CDC42SE2: variants seen among roughly 807,000 people sequenced by gnomAD.
CDC42SE2 encodes CDC42 small effector 2.
Under a neutral mutation model 11.5 loss-of-function variants are expected in CDC42SE2, and 3 were observed. That is an observed-to-expected ratio of 0.26 (90% CI 0.12 to 0.67). The LOEUF (loss-of-function observed/expected upper bound fraction) is 0.67, where lower values mean the gene tolerates loss of function less well. Ranked by LOEUF, CDC42SE2 falls within the 30% of genes least tolerant of loss-of-function variation. The pLI is 0.80. For synonymous variants in CDC42SE2, 33 were observed against 34.8 expected, an observed-to-expected ratio of 0.95 and a Z score of 0.18; for missense variants, 82 against 106.8, an observed-to-expected ratio of 0.77 and a Z score of 1.02.
In CDC42SE2 at chr5:131,333,093, G is replaced by T. The variant is rs1466178480; in HGVS notation, c.-286+16949G>T. The stretch of plus-strand genomic sequence containing the variant: ...CTAGGTTTTCTTCTAGGGTTTTTAT[G>T]GTTTTAGGTCTAACCTGTAAGTCTT... On this transcript the variant is annotated intron_variant, in intron 2 of 4. Transcript: ENST00000505065. Among the ~76,000 whole-genome samples, 4 of 152,088 alleles carry T rather than the reference G, an allele frequency of 2.6e-5. No homozygotes were observed. In the East Asian group the frequency reaches 7.7e-4, roughly 29 times the overall value.
chr5:131,293,843 G>T (rs545539134), intron 1 of CDC42SE2, among the ~76,000 whole-genome samples: 1 of 152,182 alleles, frequency 6.6e-6, no homozygotes, highest in Non-Finnish European at 1.5e-5. Flanking sequence ...GCCCTGGTGT[G>T]CCAGGTCCTG....
chr5:131,377,267 C>T (rs1241283509), intron 3 of CDC42SE2, among the ~76,000 whole-genome samples: 1 of 151,326 alleles, frequency 6.6e-6, no homozygotes, highest in African/African-American at 2.4e-5. Context: ...CTCCCGGGTT[C>T]AAACGATTAT....
At chr5:131,260,611 C>T (rs1425451929), upstream of CDC42SE2, among the ~76,000 whole-genome samples, 55 of 127,320 alleles carry the variant, frequency 4.3e-4, no homozygotes, top group African/African-American at 1.1e-3. Flanking sequence ...TGTGACAGAG[C>T]GAGACGCTCT....
intron 2 of CDC42SE2, among the ~76,000 whole-genome samples, chr5:131,322,054 G>A (rs1327228647): frequency 6.6e-6 from 1 of 152,030 alleles, no homozygotes; most frequent in African/African-American, 2.4e-5. Flanking sequence ...GTTTCACCGT[G>A]TTAGCCAGGA....
chr5:131,332,245 G>T (rs1378539946), intron 2 of CDC42SE2, among the ~76,000 whole-genome samples: 1 of 152,110 alleles, frequency 6.6e-6, no homozygotes, highest in Non-Finnish European at 1.5e-5. Flanking sequence ...GCGATAGTTT[G>T]CTGAGAATGA....
intron 1 of CDC42SE2, among the ~76,000 whole-genome samples, chr5:131,252,414 G>A (rs1023107231): frequency 7.2e-5 from 11 of 152,220 alleles, no homozygotes; most frequent in African/African-American, 2.7e-4. Flanking sequence ...AGCACTTTGG[G>A]AGGCCGAGGC....
At chr5:131,315,112 TGAC>T (rs1758014088) in intron 1 of CDC42SE2, among the ~76,000 whole-genome samples, 2 of 152,024 alleles carry the variant, frequency 1.3e-5, no homozygotes, top group African/African-American at 4.8e-5. Context: ...TTTGTTGAGA[TGAC>T]GAAGACTGAG....
intron 1 of CDC42SE2, among the ~76,000 whole-genome samples, chr5:131,282,516 T>A (rs1757256611): frequency 6.6e-6 from 1 of 152,208 alleles, no homozygotes; most frequent in Non-Finnish European, 1.5e-5. Context: ...TTTCCACTTC[T>A]GAGAGATTAT....
chr5:131,361,855 T>C (rs1749718809), intron 3 of CDC42SE2, among the ~76,000 whole-genome samples: 1 of 152,078 alleles, frequency 6.6e-6, no homozygotes, highest in African/African-American at 2.4e-5. Flanking sequence ...GGCATGCTGG[T>C]GTCTGTTGGT....
intron 1 of CDC42SE2, among the ~76,000 whole-genome samples, chr5:131,311,168 T>C (rs1458433796): frequency 6.6e-6 from 1 of 152,088 alleles, no homozygotes; most frequent in Non-Finnish European, 1.5e-5. Flanking sequence ...CATTTGCTTG[T>C]CTGTAAAGGA....
intron 2 of CDC42SE2, among the ~76,000 whole-genome samples, chr5:131,318,601 A>G (rs1241052021): frequency 2.0e-5 from 3 of 152,216 alleles, no homozygotes; most frequent in African/African-American, 7.2e-5. Flanking sequence ...ACACTGAGTG[A>G]GTAGAGCAGA....
the CDC42SE2 span, among the ~76,000 whole-genome samples, chr5:131,210,761 T>C: frequency 6.6e-6 from 1 of 152,242 alleles, no homozygotes; most frequent in East Asian, 1.9e-4. Flanking sequence ...CTACTTCATC[T>C]TACTGAGGAT....
chr5:131,327,390 A>ACTTTCTTTATCTCTTGGAGTG (rs1304461003), intron 2 of CDC42SE2, among the ~76,000 whole-genome samples: 1 of 151,780 alleles, frequency 6.6e-6, no homozygotes, highest in Non-Finnish European at 1.5e-5. Flanking sequence ...GACTACTTTT[A>ACTTTCTTTATCTCTTGGAGTG]CTTTCTTTAT....
chr5:131,295,434 A>G (rs1757549966), intron 1 of CDC42SE2, among the ~76,000 whole-genome samples: 1 of 152,198 alleles, frequency 6.6e-6, no homozygotes, highest in African/African-American at 2.4e-5. Flanking sequence ...ATAATGGAAT[A>G]TTGTACTGCA....
chr5:131,264,053 A>G lies in CDC42SE2; in HGVS notation c.-568A>G, dbSNP rs980041547. 1 of 151,638 alleles carries G rather than the reference A, an allele frequency of 6.6e-6. No homozygotes were observed. The highest frequency in any genetic ancestry group is 2.1e-4 in the South Asian group (1 of 4,780). 9.4% of individuals were successfully genotyped at this position (151,638 alleles called of 1,614,324 possible). ...CGAGCCTGGGCGGGGAGGGGGAGCC[A>G]GGAAGCTGCGAGCGCGCTGGGGAGC... On this transcript the variant is annotated 5_prime_UTR_variant, in exon 1 of 5. Coordinates refer to ENST00000505065, the MANE Select transcript of CDC42SE2 (RefSeq NM_001375635.1).
At chr5:131,271,732 G>A (rs1398823756) in intron 1 of CDC42SE2, among the ~76,000 whole-genome samples, 1 of 152,104 alleles carries the variant, frequency 6.6e-6, no homozygotes, top group East Asian at 1.9e-4. Context: ...TGTCCTCACT[G>A]GAGTATTTAC....
At chr5:131,278,938 C>T (rs373311968) in intron 1 of CDC42SE2, among the ~76,000 whole-genome samples, 1 of 148,928 alleles carries the variant, frequency 6.7e-6, no homozygotes, top group East Asian at 2.0e-4. Context: ...GTGTGCACCA[C>T]CACGCCCGAC....
chr5:131,272,359 C>A (rs527851790), intron 1 of CDC42SE2, among the ~76,000 whole-genome samples: 10 of 152,212 alleles, frequency 6.6e-5, no homozygotes, highest in African/African-American at 2.4e-4. Context: ...CTGATTTAAT[C>A]ACCACAGATT....
intron 1 of CDC42SE2, among the ~76,000 whole-genome samples, chr5:131,314,443 G>A (rs1306073333): frequency 6.6e-6 from 1 of 151,890 alleles, no homozygotes; most frequent in African/African-American, 2.4e-5. Flanking sequence ...GTCTCCCTGT[G>A]TTTCCCAGGC....
Sources: gnomAD v4.1 joint callset for allele counts (sites outside exome capture counted in the v4.1 genomes callset) on GRCh38, gnomAD v4.1.1 for gene constraint, MANE v1.5 for transcripts, NCBI Gene and HGNC (gene_info 2026-07-23, HGNC 2026-07-21) for gene names.